The following CSMD1 variants were observed in gnomAD, a reference collection of about 807,000 sequenced individuals.
CSMD1 encodes the protein CUB and sushi domain-containing protein 1.
In CSMD1, 213 loss-of-function variants were observed where a neutral mutation model predicts 417.5. The observed-to-expected ratio is 0.51, with a 90% CI of 0.46 to 0.57. CSMD1 has a LOEUF of 0.57. Ranked by LOEUF, CSMD1 falls within the 20% of genes least tolerant of loss-of-function variation. The pLI, the probability that CSMD1 is intolerant of heterozygous loss-of-function variation, is 0.00. For missense variants in CSMD1, 6,923 were observed against 4,529.7 expected, an observed-to-expected ratio of 1.53 and a Z score of -15.17; for synonymous variants, 2,862 against 1,736.8, an observed-to-expected ratio of 1.65 and a Z score of -16.11.
At chr8:4,316,895 G>T (rs1329047737) in intron 3 of CSMD1, among the ~76,000 whole-genome samples, 1 of 151,426 alleles carries the variant, frequency 6.6e-6, no homozygotes, top group Non-Finnish European at 1.5e-5. Flanking sequence ...TGGGGTGGGG[G>T]AATCTTCAAA....
At chr8:3,501,986 G>T (rs777398964) in intron 10 of CSMD1, among the ~76,000 whole-genome samples, 1 of 152,058 alleles carries the variant, frequency 6.6e-6, no homozygotes, top group South Asian at 2.1e-4. Context: ...ATGCAAAATG[G>T]TACAGTCACT....
chr8:4,459,806 C>A (rs972261324), intron 2 of CSMD1, among the ~76,000 whole-genome samples: 1 of 152,192 alleles, frequency 6.6e-6, no homozygotes, highest in Non-Finnish European at 1.5e-5. Flanking sequence ...TAAAACCATA[C>A]AATTTGTGGT....
At chr8:3,611,042 T>C (rs1801867108) in intron 8 of CSMD1, among the ~76,000 whole-genome samples, 1 of 123,264 alleles carries the variant, frequency 8.1e-6, no homozygotes, top group Admixed American at 1.1e-4. Context: ...TGAGAACACA[T>C]GGACACAGGA....
At position 3,142,569 on chromosome 8, in the gene CSMD1, C is replaced by A; in HGVS notation, c.6137G>T (p.Gly2046Val). 6.2e-7 allele frequency: 1 copy of A among 1,613,862 alleles called. No individual in the cohort carries two copies. The highest frequency in any genetic ancestry group is 8.5e-7 in the Non-Finnish European group (1 of 1,179,862). The change falls in exon 41 of 70, where the codon GGC (glycine) becomes GTC (valine). Residue 2046 changes from glycine (G) to valine (V), a missense_variant. Gly to Val is a moderately radical substitution (Grantham distance 109). Transcript: ENST00000635120. Reference sequence around the variant, plus strand: ...CAGCAGGGCCGCGGGGAGATCCGTGCCGCTAAATTGTCCAATCATGGGGCT... The same window carrying A: ...CAGCAGGGCCGCGGGGAGATCCGTGACGCTAAATTGTCCAATCATGGGGCT... ...HTSPMIGQFS[G>V]TDLPAALLST...
chr8:4,188,725 A>G (rs75804650), intron 3 of CSMD1, among the ~76,000 whole-genome samples: 4,556 of 152,238 alleles, frequency 0.03, 96 homozygotes, highest in Non-Finnish European at 0.044. Context: ...ATAATAAACA[A>G]TTTTTGAGTA....
At chr8:4,623,655 G>A (rs1406045329) in intron 2 of CSMD1, among the ~76,000 whole-genome samples, 3 of 152,074 alleles carry the variant, frequency 2.0e-5, no homozygotes, top group South Asian at 4.1e-4. Flanking sequence ...CATAAAAAAT[G>A]TACCATTTTT....
intron 1 of CSMD1, among the ~76,000 whole-genome samples, chr8:4,872,183 G>C (rs1403753204): frequency 2.6e-5 from 4 of 152,086 alleles, no homozygotes; most frequent in Non-Finnish European, 4.4e-5. Flanking sequence ...CTCTGTGTTA[G>C]CCTGTGTGAC....
chr8:4,519,866 T>C (rs1015207689), intron 2 of CSMD1, among the ~76,000 whole-genome samples: 5 of 150,540 alleles, frequency 3.3e-5, no homozygotes, highest in South Asian at 2.1e-4. Flanking sequence ...ATTCACTAGA[T>C]TTGGTTCATG....
At chr8:4,753,772 C>G (rs555851603) in intron 1 of CSMD1, among the ~76,000 whole-genome samples, 15 of 152,324 alleles carry the variant, frequency 9.8e-5, no homozygotes, top group Admixed American at 6.5e-4. Context: ...GGAACATTCC[C>G]TTTCCTCCCC....
At chr8:4,133,165 T>G (rs1173536214) in intron 3 of CSMD1, among the ~76,000 whole-genome samples, 1 of 152,164 alleles carries the variant, frequency 6.6e-6, no homozygotes, top group Non-Finnish European at 1.5e-5. Context: ...CTCAAACTCC[T>G]GGCCTTGTGA....
At chr8:4,602,141 C>G (rs1224846308) in intron 2 of CSMD1, among the ~76,000 whole-genome samples, 3 of 152,124 alleles carry the variant, frequency 2.0e-5, no homozygotes, top group Admixed American at 6.5e-5. Context: ...CCCCCAGTTC[C>G]CTAAGGTGAA....
intron 3 of CSMD1, among the ~76,000 whole-genome samples, chr8:4,368,794 G>A (rs868806995): frequency 3.9e-5 from 6 of 152,022 alleles, no homozygotes; most frequent in Admixed American, 2.6e-4. Context: ...TATTTCTGTT[G>A]GATAGGTTGT....
intron 7 of CSMD1, among the ~76,000 whole-genome samples, chr8:3,639,385 G>T (rs975356021): frequency 1.3e-5 from 2 of 152,152 alleles, no homozygotes; most frequent in Non-Finnish European, 1.5e-5. Flanking sequence ...ATGAGTGAGG[G>T]TTCATCAAAA....
intron 3 of CSMD1, among the ~76,000 whole-genome samples, chr8:4,126,993 T>G (rs1377000533): frequency 6.6e-6 from 1 of 151,998 alleles, no homozygotes; most frequent in African/African-American, 2.4e-5. Context: ...CACATTCGAG[T>G]TTGAGAGCCA....
At chr8:3,902,837 T>A (rs1807846901) in intron 5 of CSMD1, among the ~76,000 whole-genome samples, 1 of 151,218 alleles carries the variant, frequency 6.6e-6, no homozygotes. Context: ...CTGGCCCATC[T>A]TGGATACTGA....
At chr8:4,870,552 G>A (rs1418639609) in intron 1 of CSMD1, among the ~76,000 whole-genome samples, 1 of 152,074 alleles carries the variant, frequency 6.6e-6, no homozygotes, top group African/African-American at 2.4e-5. Context: ...CTTCTCGTGT[G>A]TCAGTCTCAG....
chr8:3,939,805 C>T (rs1232870984), intron 5 of CSMD1, among the ~76,000 whole-genome samples: 1 of 151,992 alleles, frequency 6.6e-6, no homozygotes. Flanking sequence ...CTTGTGAGAG[C>T]TAAGTTATGA....
intron 68 of CSMD1, among the ~76,000 whole-genome samples, chr8:2,947,051 A>G (rs918334300): frequency 6.6e-6 from 1 of 152,096 alleles, no homozygotes; most frequent in Non-Finnish European, 1.5e-5. Flanking sequence ...TCTTTGGTCA[A>G]TTTCTTATTT....
intron 7 of CSMD1, among the ~76,000 whole-genome samples, chr8:3,706,870 C>T (rs972239544): frequency 1.3e-5 from 2 of 152,148 alleles, no homozygotes; most frequent in Non-Finnish European, 1.5e-5. Flanking sequence ...ACCCTTTATT[C>T]CTTCTACTGT....
Sources: gnomAD v4.1 joint callset for allele counts (sites outside exome capture counted in the v4.1 genomes callset) on GRCh38, gnomAD v4.1.1 for gene constraint, MANE v1.5 for transcripts, NCBI Gene and HGNC (gene_info 2026-07-23, HGNC 2026-07-21) for gene names.